SUMF1: variants seen among roughly 807,000 people sequenced by gnomAD.
SUMF1 encodes the protein sulfatase modifying factor 1, also known as formylglycine-generating enzyme.
A neutral mutation model predicts 47.6 loss-of-function variants in SUMF1; 48 were observed. The ratio of observed to expected loss-of-function variants is 1.01; its 90% confidence interval spans 0.80 to 1.28. The LOEUF is 1.28. Among genes scored for constraint, SUMF1 ranks in the 50% most tolerant of loss-of-function variants. The pLI is 0.00. For synonymous variants in SUMF1, 230 were observed against 192.1 expected, an observed-to-expected ratio of 1.20 and a Z score of -1.63; for missense variants, 571 against 485.4, an observed-to-expected ratio of 1.18 and a Z score of -1.66.
At chr3:4,322,678 A>G (rs1043820854) in intron 8 of SUMF1, among the ~76,000 whole-genome samples, 2 of 151,996 alleles carry the variant, frequency 1.3e-5, no homozygotes, top group Non-Finnish European at 2.9e-5. Flanking sequence ...AAAAAGAAAG[A>G]AAAAAGACAG....
intron 8 of SUMF1, among the ~76,000 whole-genome samples, chr3:4,242,189 G>A (rs1010077366): frequency 1.1e-4 from 16 of 152,122 alleles, no homozygotes; most frequent in African/African-American, 3.1e-4. Context: ...AGAAGATGGG[G>A]TTTTCTAAAT....
At chr3:4,035,048 G>A (rs912448779) in intron 9 of SUMF1, among the ~76,000 whole-genome samples, 13 of 152,124 alleles carry the variant, frequency 8.5e-5, no homozygotes, top group Middle Eastern at 3.4e-3. Flanking sequence ...GAGTAAAGAC[G>A]TCAGAAAATC....
At chr3:4,304,714 AAGAT>A (rs1246762442) in intron 8 of SUMF1, among the ~76,000 whole-genome samples, 2 of 152,168 alleles carry the variant, frequency 1.3e-5, no homozygotes, top group Admixed American at 1.3e-4. Flanking sequence ...AGGATCAGAT[AAGAT>A]AAGAGATTCA....
intron 8 of SUMF1, among the ~76,000 whole-genome samples, chr3:4,210,714 A>G (rs1695760789): frequency 6.6e-6 from 1 of 152,046 alleles, no homozygotes; most frequent in African/African-American, 2.4e-5. Flanking sequence ...TCATCACCCC[A>G]TGTGATGGTT....
At position 4,110,433 on chromosome 3, in the gene SUMF1, G is replaced by T. The variant is rs150911585; in HGVS notation, c.1015-41688C>A. Among the ~76,000 whole-genome samples the T allele has an allele frequency of 1.1e-3, 166 of 152,142 alleles. 5 individuals are homozygous for T. In the South Asian group the frequency reaches 0.015, roughly 14 times the overall value. On this transcript the variant is annotated intron_variant and NMD_transcript_variant, in intron 8 of 12. Coordinates refer to the SUMF1 transcript ENST00000448413. The stretch of plus-strand genomic sequence containing the variant: ...GTTCAACCATTGTGGAAGACAGTGC[G>T]GCAATTCCTCAGGGATCTAGAACTA...
At chr3:4,279,898 T>A (rs1414205665) in intron 8 of SUMF1, among the ~76,000 whole-genome samples, 1 of 152,170 alleles carries the variant, frequency 6.6e-6, no homozygotes, top group Non-Finnish European at 1.5e-5. Flanking sequence ...TATGAGACAC[T>A]TTTTAAAGAT....
Position 4,376,247 on chromosome 3 carries a change from A to G in SUMF1, c.1014+83T>C. ...GTAGGCATTTGCAGAAGTGAATGAG[A>G]CATTTGGGGCTATCATTTACAATGG... is the stretch of plus-strand genomic sequence containing the variant. On this transcript the variant is annotated intron_variant, in intron 8 of 8. Transcript: ENST00000272902. 3.3e-6 allele frequency: 5 copies of G among 1,504,230 alleles called. No individual in the cohort carries two copies. The South Asian group carries it at 5.6e-5, about 17-fold the overall frequency. The allele number at this position is 1,504,230 out of a possible 1,614,324, so 93.2% of individuals were successfully genotyped here.
intron 8 of SUMF1, among the ~76,000 whole-genome samples, chr3:4,077,743 C>T (rs533603324): frequency 6.6e-6 from 1 of 151,972 alleles, no homozygotes; most frequent in Non-Finnish European, 1.5e-5. Context: ...CAACATGGCA[C>T]ATGTACACAT....
At chr3:4,296,625 G>T (rs1206171460) in intron 8 of SUMF1, among the ~76,000 whole-genome samples, 1 of 152,014 alleles carries the variant, frequency 6.6e-6, no homozygotes, top group Admixed American at 6.6e-5. Context: ...CAGGAGAAAA[G>T]CCCAACCCCC....
intron 8 of SUMF1, among the ~76,000 whole-genome samples, chr3:4,238,582 G>C (rs868384628): frequency 1.3e-5 from 2 of 152,202 alleles, no homozygotes; most frequent in Admixed American, 6.5e-5. Context: ...CTTTTGAGAA[G>C]TGTCTGTTCA....
At chr3:4,219,773 A>T (rs1357955006) in intron 8 of SUMF1, among the ~76,000 whole-genome samples, 1 of 152,246 alleles carries the variant, frequency 6.6e-6, no homozygotes, top group East Asian at 1.9e-4. Flanking sequence ...ATCATCCCAA[A>T]TCCATGGAAT....
intron 8 of SUMF1, among the ~76,000 whole-genome samples, chr3:4,148,164 C>A (rs1422191744): frequency 6.6e-6 from 1 of 152,084 alleles, no homozygotes; most frequent in Non-Finnish European, 1.5e-5. Context: ...TCTTTGAATG[C>A]AGAATTAAAT....
intron 8 of SUMF1, among the ~76,000 whole-genome samples, chr3:4,184,546 A>G: frequency 6.6e-6 from 1 of 152,160 alleles, no homozygotes; most frequent in East Asian, 1.9e-4. Context: ...ACGATCTTGA[A>G]GGTCATTTCA....
chr3:4,385,804 T>C (rs1355100432), intron 7 of SUMF1, among the ~76,000 whole-genome samples: 3 of 152,192 alleles, frequency 2.0e-5, no homozygotes, highest in South Asian at 2.1e-4. Context: ...TCAATTTTTA[T>C]GTAAGGTGTG....
chr3:4,148,936 G>GA lies in SUMF1; in HGVS notation c.1015-80192dup, dbSNP rs933503472. 2.5e-4 allele frequency among the ~76,000 whole-genome samples: 38 copies of GA among 152,234 alleles called. 1 individual carries two copies. Among genetic ancestry groups the GA allele is most frequent in the African/African-American group, 7.0e-4 (29 of 41,524 alleles). On this transcript the variant is annotated intron_variant and NMD_transcript_variant, in intron 8 of 12. Transcript: ENST00000448413. ...AAGTTCAAAAAGAGAAAGGGAAAGA[G>GA]AAAAAAACTTAACAATTTAAAGAGC... is the stretch of plus-strand genomic sequence containing the variant.
At chr3:4,439,973 C>T (rs1702526484) in intron 3 of SUMF1, among the ~76,000 whole-genome samples, 1 of 152,084 alleles carries the variant, frequency 6.6e-6, no homozygotes, top group Non-Finnish European at 1.5e-5. Context: ...GTGGCTCATG[C>T]TTGTAATCCC....
At chr3:4,157,356 G>C (rs1559519677) in intron 8 of SUMF1, among the ~76,000 whole-genome samples, 1 of 151,542 alleles carries the variant, frequency 6.6e-6, no homozygotes, top group Non-Finnish European at 1.5e-5. Flanking sequence ...ACAGTCACTT[G>C]AGGTTGCTTT....
At chr3:4,324,308 T>C (rs1164904289) in intron 8 of SUMF1, among the ~76,000 whole-genome samples, 1 of 152,148 alleles carries the variant, frequency 6.6e-6, no homozygotes, top group African/African-American at 2.4e-5. Flanking sequence ...TATGTGAAAA[T>C]CTTTTTTATA....
At chr3:4,324,847 T>A (rs1479599135) in intron 8 of SUMF1, among the ~76,000 whole-genome samples, 5 of 152,128 alleles carry the variant, frequency 3.3e-5, no homozygotes, top group African/African-American at 1.2e-4. Context: ...TTCTTTTACA[T>A]TTCCCCCCTG....
Sources: allele counts gnomAD v4.1 joint callset (sites outside exome capture counted in the v4.1 genomes callset), GRCh38; gene constraint gnomAD v4.1.1; transcripts MANE v1.5; gene names NCBI Gene and HGNC (gene_info 2026-07-23, HGNC 2026-07-21).